The following MYO5C variants were observed in gnomAD, a reference collection of about 807,000 sequenced individuals.
The protein encoded by MYO5C is myosin VC.
A neutral mutation model predicts 235.7 loss-of-function variants in MYO5C; 194 were observed. The ratio of observed to expected loss-of-function variants is 0.82; its 90% CI spans 0.73 to 0.93. MYO5C has a LOEUF of 0.93. MYO5C is among the 40% of genes least tolerant of loss of function. The pLI, the probability that MYO5C is intolerant of heterozygous loss-of-function variation, is 0.00. For missense variants in MYO5C, 2,038 were observed against 2,127.2 expected (o/e 0.96, Z 0.82); for synonymous variants, 707 against 754.8 (o/e 0.94, Z 1.04).
intron 10 of MYO5C, among the ~76,000 whole-genome samples, chr15:52,257,834 T>C (rs58479271): frequency 0.038 from 5,827 of 152,294 alleles, 269 homozygotes; most frequent in South Asian, 0.16. Context: ...CCGGCTCCTA[T>C]CACAGGTCCC....
intron 4 of MYO5C, chr15:52,278,040 G>A (rs1356811242): frequency 4.5e-6 from 2 of 443,154 alleles, no homozygotes; most frequent in African/African-American, 2.0e-5. Flanking sequence ...GTGAAATGAG[G>A]GCAATGAAGT....
intron 9 of MYO5C, among the ~76,000 whole-genome samples, chr15:52,263,464 G>T (rs2036735431): frequency 6.6e-6 from 1 of 152,140 alleles, no homozygotes; most frequent in Non-Finnish European, 1.5e-5. Flanking sequence ...ATTCAAGCAG[G>T]TGTAAGGAGG....
chr15:52,271,669 C>T (rs1454734204), intron 7 of MYO5C, 94 bp downstream of exon 7: 4 of 709,684 alleles, frequency 5.6e-6, no homozygotes, highest in Non-Finnish European at 8.5e-6. Context: ...TGGGCAAATA[C>T]TTAAAACAAA....
intron 30 of MYO5C, among the ~76,000 whole-genome samples, 154 bp downstream of exon 30, chr15:52,221,008 A>G (rs140819462): frequency 4.6e-5 from 7 of 152,044 alleles, no homozygotes; most frequent in South Asian, 4.2e-4. Context: ...ATACCTTCCC[A>G]TATCTTTCAA....
chr15:52,213,129 T>C (rs1165704673), intron 34 of MYO5C, 59 bp downstream of exon 34: 1 of 1,317,352 alleles, frequency 7.6e-7, no homozygotes, highest in African/African-American at 1.4e-5. Context: ...ACTTTGGCAC[T>C]GACTGATATG....
At chr15:52,277,664 A>G (rs2037081541) in intron 4 of MYO5C, among the ~76,000 whole-genome samples, 1 of 151,976 alleles carries the variant, frequency 6.6e-6, no homozygotes, top group South Asian at 2.1e-4. Flanking sequence ...TTCCCCTCAT[A>G]TGCCTTGTTA....
chr15:52,262,670 C>T (rs907312069), intron 9 of MYO5C, among the ~76,000 whole-genome samples: 3 of 152,314 alleles, frequency 2.0e-5, no homozygotes, highest in African/African-American at 7.2e-5. Flanking sequence ...ACTTCCTGGT[C>T]ATGGCAAAAG....
chr15:52,258,695 C>G (rs1036244978), intron 10 of MYO5C, among the ~76,000 whole-genome samples: 4 of 152,284 alleles, frequency 2.6e-5, no homozygotes, highest in African/African-American at 9.6e-5. Flanking sequence ...GCCCTGCTGC[C>G]TAGAGGAAAG....
At chr15:52,240,994 T>C (rs539523530) in intron 20 of MYO5C, among the ~76,000 whole-genome samples, 5 of 152,210 alleles carry the variant, frequency 3.3e-5, no homozygotes, top group African/African-American at 7.2e-5. Context: ...CCTCCCTCCT[T>C]GAAAGAAAGA....
chr15:52,277,901 C>T (rs747982622), intron 4 of MYO5C: 19 of 455,898 alleles, frequency 4.2e-5, no homozygotes, highest in Admixed American at 2.4e-5. Flanking sequence ...AATGGGTGCC[C>T]TCTGAGAGTC....
intron 33 of MYO5C, among the ~76,000 whole-genome samples, chr15:52,214,312 T>C (rs186068050): frequency 3.9e-4 from 60 of 152,218 alleles, no homozygotes; most frequent in African/African-American, 1.1e-3. Context: ...AATTGAAAAA[T>C]TGTTCACAAT....
chr15:52,295,109 CT>C (rs1566999449), intron 1 of MYO5C, among the ~76,000 whole-genome samples: 1 of 152,266 alleles, frequency 6.6e-6, no homozygotes, highest in Non-Finnish European at 1.5e-5. Flanking sequence ...CCATAAGCTT[CT>C]ATGCCAGCTC....
At chr15:52,270,998 A>G (rs187195627) in intron 7 of MYO5C, among the ~76,000 whole-genome samples, 1 of 152,310 alleles carries the variant, frequency 6.6e-6, no homozygotes, top group Non-Finnish European at 1.5e-5. Flanking sequence ...ACTGAAGGAC[A>G]AACAGCCCTA....
intron 34 of MYO5C, among the ~76,000 whole-genome samples, chr15:52,212,578 G>C (rs894300307): frequency 2.2e-4 from 33 of 152,176 alleles, no homozygotes; most frequent in Non-Finnish European, 4.4e-5. Context: ...CTTGGGGCCA[G>C]CTGACAGGGA....
chr15:52,194,143 C>G, intron 40 of MYO5C, 89 bp from the exon 41 acceptor site: 3 of 1,252,946 alleles, frequency 2.4e-6, no homozygotes, highest in Admixed American at 4.5e-5. Flanking sequence ...ACACAGCTAT[C>G]TCTAGTGGAG....
chr15:52,246,901 G>A lies in MYO5C; in HGVS notation c.1979+16C>T, dbSNP rs2036360067. ...CCTTCCCACGTCTTCGCTGTGTGTT[G>A]CATAAGAACACTTACTCAAAGGGTA... On this transcript the variant is annotated intron_variant, in intron 16 of 40. Transcript: ENST00000261839. The A allele has an allele frequency of 1.2e-6, 2 of 1,602,624 alleles. No homozygotes were observed. The highest frequency in any genetic ancestry group is 1.7e-6 in the Non-Finnish European group (2 of 1,172,024).
At chr15:52,245,102 C>T (rs1440336937) in intron 18 of MYO5C, among the ~76,000 whole-genome samples, 4 of 152,168 alleles carry the variant, frequency 2.6e-5, no homozygotes, top group South Asian at 2.1e-4. Context: ...TGGGTTAGAT[C>T]GTGGGAGAGC....
Position 52,192,662 on chromosome 15 carries a change from G to C in MYO5C, c.*1240C>G, listed in dbSNP as rs1233940216. ...AAGGAAGGAATGAGAAGGTGTGCCG[G>C]GACAAGGAATAGCCAGTTCCCATAA... On this transcript the variant is annotated 3_prime_UTR_variant, in exon 41 of 41. Coordinates refer to ENST00000261839, the MANE Select transcript of MYO5C (RefSeq NM_018728.4). 6.6e-6 allele frequency: 1 copy of C among 152,018 alleles called. No individual in the cohort carries two copies. The highest frequency in any genetic ancestry group is 1.5e-5 in the Non-Finnish European group (1 of 68,006). 9.4% of individuals were successfully genotyped at this position (152,018 alleles called of 1,614,324 possible).
intron 1 of MYO5C, among the ~76,000 whole-genome samples, chr15:52,284,485 C>T (rs1030562073): frequency 1.3e-4 from 20 of 152,120 alleles, no homozygotes; most frequent in African/African-American, 4.8e-4. Flanking sequence ...AGGGGATCTT[C>T]TGGGAGTGAT....
Sources: gnomAD v4.1 joint callset for allele counts (sites outside exome capture counted in the v4.1 genomes callset) on GRCh38, gnomAD v4.1.1 for gene constraint, MANE v1.5 for transcripts, NCBI Gene and HGNC (gene_info 2026-07-23, HGNC 2026-07-21) for gene names.